RP1: variants seen among roughly 807,000 people sequenced by gnomAD.
RP1 encodes RP1 axonemal microtubule associated, also known as oxygen-regulated protein 1.
A neutral mutation model predicts 14.8 loss-of-function variants in RP1; 16 were observed. The ratio of observed to expected loss-of-function variants is 1.08; its 90% confidence interval spans 0.73 to 1.65. The LOEUF is 1.65. Among genes scored for constraint, RP1 ranks in the 40% most tolerant of loss-of-function variants. RP1 has a pLI of 0.00. For missense variants in RP1, 2,631 were observed against 2,535.0 expected, an observed-to-expected ratio of 1.04 and a Z score of -0.81; for synonymous variants, 876 against 883.6, an observed-to-expected ratio of 0.99 and a Z score of 0.15.
intron 15 of RP1, among the ~76,000 whole-genome samples, chr8:54,714,984 G>A (rs1469344166): frequency 6.6e-6 from 1 of 152,260 alleles, no homozygotes; most frequent in Non-Finnish European, 1.5e-5. Context: ...TAATACTCCA[G>A]TGTGTAGAAT....
chr8:54,582,687 G>A (rs1483172050), intron 1 of RP1, among the ~76,000 whole-genome samples: 1 of 152,026 alleles, frequency 6.6e-6, no homozygotes, highest in Non-Finnish European at 1.5e-5. Context: ...ATTGAGCAGT[G>A]GTTTGTAGTT....
chr8:54,823,916 A>T (rs1163327442), intron 24 of RP1, among the ~76,000 whole-genome samples: 1 of 152,086 alleles, frequency 6.6e-6, no homozygotes, highest in Non-Finnish European at 1.5e-5. Flanking sequence ...CATATGAGAG[A>T]TCTGGATTTT....
At position 54,637,545 on chromosome 8, in the gene RP1, AC is replaced by A. The variant is rs1179801220; in HGVS notation, c.788-11439del. On this transcript the variant is annotated intron_variant, in intron 3 of 22. Coordinates refer to the RP1 transcript ENST00000636932. The stretch of plus-strand genomic sequence containing the variant: ...CTGACCCTGTACATGCCTAATTCCC[AC>A]TCCAGAGGCATCTTTCTTGAAAATA... Among the ~76,000 whole-genome samples the A allele has an allele frequency of 5.9e-5, 9 of 151,892 alleles. No individual in the cohort carries two copies. In the East Asian group the frequency reaches 1.4e-3, roughly 23 times the overall value.
At chr8:54,848,873 C>T (rs1244914294) in intron 25 of RP1, among the ~76,000 whole-genome samples, 4 of 152,074 alleles carry the variant, frequency 2.6e-5, no homozygotes, top group African/African-American at 7.2e-5. Context: ...CTCAGCCTCC[C>T]GAGTAGCTGA....
At chr8:54,647,742 G>A (rs966474219) in intron 3 of RP1, among the ~76,000 whole-genome samples, 23 of 151,634 alleles carry the variant, frequency 1.5e-4, no homozygotes, top group African/African-American at 5.6e-4. Flanking sequence ...AGGCTAGAGT[G>A]TACTGTGGCA....
At chr8:54,712,547 C>T (rs2129347196) in intron 15 of RP1, among the ~76,000 whole-genome samples, 1 of 152,282 alleles carries the variant, frequency 6.6e-6, no homozygotes, top group Non-Finnish European at 1.5e-5. Flanking sequence ...TAAAGGAGCA[C>T]TCTGAGCCTA....
At chr8:54,601,403 T>A (rs1340909235) in intron 1 of RP1, among the ~76,000 whole-genome samples, 1 of 125,422 alleles carries the variant, frequency 8.0e-6, no homozygotes, top group East Asian at 2.5e-4. Flanking sequence ...GGGGGAACAT[T>A]ACACTCTGGG....
At chr8:54,622,363 T>C (rs951414813) in intron 3 of RP1, 75 bp downstream of exon 3, 251 of 1,269,092 alleles carry the variant, frequency 2.0e-4, no homozygotes, top group Middle Eastern at 1.3e-3. Context: ...GCAAAATCCA[T>C]GCTTCAATGA....
intron 24 of RP1, among the ~76,000 whole-genome samples, chr8:54,800,288 C>A (rs1175673388): frequency 2.0e-5 from 3 of 151,674 alleles, no homozygotes; most frequent in Non-Finnish European, 4.4e-5. Flanking sequence ...TGGTTTACAG[C>A]AATTTGTATA....
chr8:54,761,236 T>G (rs1034400988), intron 22 of RP1, among the ~76,000 whole-genome samples: 5 of 144,980 alleles, frequency 3.4e-5, no homozygotes, highest in South Asian at 2.3e-4. Context: ...TACCTTACTT[T>G]TTTTTTTTTT....
intron 1 of RP1, among the ~76,000 whole-genome samples, chr8:54,592,397 GA>G (rs35947704): frequency 1.3e-5 from 2 of 152,192 alleles, no homozygotes; most frequent in Admixed American, 1.3e-4. Context: ...TTCCTGGTGG[GA>G]AAGTAGCAAG....
At chr8:54,826,030 C>T (rs909074447) in intron 24 of RP1, among the ~76,000 whole-genome samples, 1 of 152,134 alleles carries the variant, frequency 6.6e-6, no homozygotes, top group Non-Finnish European at 1.5e-5. Flanking sequence ...ATTGTAACCA[C>T]TGCACTCCAG....
intron 8 of RP1, among the ~76,000 whole-genome samples, chr8:54,676,592 A>G (rs541868884): frequency 8.4e-4 from 128 of 152,324 alleles, no homozygotes; most frequent in African/African-American, 3.0e-3. Context: ...CCGGTTAATA[A>G]GACTTTTCTA....
exon 25 of RP1, chr8:54,837,598 C>T: frequency 8.1e-7 from 1 of 1,231,942 alleles, no homozygotes; most frequent in Non-Finnish European, 1.0e-6. Context: ...TCCTGGATAG[C>T]TGAGAATGAA....
In RP1 at chr8:54,797,308, G is replaced by A. The variant is rs567242652; in HGVS notation, c.3615+13598G>A. ...TCATCATCTTTGAGACTAGAAATTA[G>A]GCTAGGAAATAGTTGTGATAATAGA... On this transcript the variant is annotated intron_variant, in intron 24 of 28. Coordinates refer to the RP1 transcript ENST00000637698. 2.6e-5 allele frequency among the ~76,000 whole-genome samples: 4 copies of A among 152,208 alleles called. No individual in the cohort carries two copies. In the East Asian group the frequency reaches 5.8e-4, roughly 22 times the overall value.
chr8:54,696,583 G>C, intron 12 of RP1: 1 of 732,968 alleles, frequency 1.4e-6, no homozygotes, highest in Non-Finnish European at 2.4e-6. Context: ...CCTGGCAGCA[G>C]AAACGTGACA....
intron 22 of RP1, among the ~76,000 whole-genome samples, chr8:54,760,478 G>GA (rs1486155206): frequency 6.6e-6 from 1 of 152,092 alleles, no homozygotes; most frequent in Non-Finnish European, 1.5e-5. Context: ...AGCTTTGCCT[G>GA]AAAATGTTTC....
At chr8:54,602,357 G>A (rs1343861602) in intron 1 of RP1, among the ~76,000 whole-genome samples, 1 of 152,174 alleles carries the variant, frequency 6.6e-6, no homozygotes, top group Non-Finnish European at 1.5e-5. Flanking sequence ...CCCTACAAAG[G>A]ACATGAACTC....
chr8:54,681,747 T>C (rs949105905), intron 12 of RP1, among the ~76,000 whole-genome samples: 2 of 152,086 alleles, frequency 1.3e-5, no homozygotes, highest in African/African-American at 4.8e-5. Context: ...GATGTGTCCA[T>C]GTGTTCTCAT....
Sources: allele counts gnomAD v4.1 joint callset (sites outside exome capture counted in the v4.1 genomes callset), GRCh38; gene constraint gnomAD v4.1.1; transcripts MANE v1.5; gene names NCBI Gene and HGNC (gene_info 2026-07-23, HGNC 2026-07-21).